The following INSL6 variants were observed in gnomAD, a reference collection of about 807,000 sequenced individuals.
The protein encoded by INSL6 is insulin like 6.
Under a neutral mutation model 9.4 loss-of-function variants are expected in INSL6, and 16 were observed. The observed-to-expected ratio is 1.70, with a 90% CI of 1.15 to 2.59. INSL6 has a LOEUF of 2.59. INSL6 is among the 30% of genes most tolerant of loss of function. INSL6 has a pLI of 0.00. For missense variants in INSL6, 391 were observed against 257.3 expected (o/e 1.52, Z -3.56); for synonymous variants, 154 against 96.9 (o/e 1.59, Z -3.46).
the INSL6 span, chr9:5,111,265 GC>G: frequency 2.0e-6 from 1 of 499,538 alleles, no homozygotes; most frequent in Non-Finnish European, 3.9e-6. Flanking sequence ...GGCGTGCGCA[GC>G]CTGACTCAGG....
At chr9:5,004,980 G>T in the INSL6 span, among the ~76,000 whole-genome samples, 1 of 145,552 alleles carries the variant, frequency 6.9e-6, no homozygotes, top group African/African-American at 2.6e-5. Context: ...GCAGTGGTGT[G>T]ATCATAGCTC....
At chr9:5,070,051 T>C in the INSL6 span, 2 of 1,596,996 alleles carry the variant, frequency 1.3e-6, no homozygotes, top group Non-Finnish European at 1.7e-6. Context: ...GATTTGATAT[T>C]TGTAAGTCAT....
downstream of INSL6, among the ~76,000 whole-genome samples, chr9:5,162,125 T>A (rs1824940733): frequency 6.6e-6 from 1 of 152,064 alleles, no homozygotes; most frequent in Admixed American, 6.6e-5. Context: ...TCAGTAGTAC[T>A]GAGCAAGATG....
At chr9:5,161,923 A>T (rs923212169), downstream of INSL6, among the ~76,000 whole-genome samples, 2 of 152,048 alleles carry the variant, frequency 1.3e-5, no homozygotes, top group African/African-American at 4.8e-5. Flanking sequence ...TCTACAAAAA[A>T]AATATAAAAA....
At chr9:5,141,620 C>G (rs1197420754) in intron 2 of INSL6, among the ~76,000 whole-genome samples, 1 of 152,054 alleles carries the variant, frequency 6.6e-6, no homozygotes, top group African/African-American at 2.4e-5. Context: ...GGATATTAGA[C>G]CTTTGTCAGA....
intron 1 of INSL6, among the ~76,000 whole-genome samples, chr9:5,171,868 A>G (rs1825189188): frequency 6.6e-6 from 1 of 152,258 alleles, no homozygotes; most frequent in South Asian, 2.1e-4. Context: ...TTCCATGTTC[A>G]TGGATAGGAA....
the INSL6 span, chr9:5,021,868 A>G: frequency 1.5e-6 from 1 of 657,438 alleles, no homozygotes; most frequent in Non-Finnish European, 2.6e-6. Context: ...TCTGGGCTCA[A>G]GCTATCTGCC....
the INSL6 span, among the ~76,000 whole-genome samples, chr9:5,025,514 G>T: frequency 1.4e-5 from 2 of 144,422 alleles, no homozygotes; most frequent in South Asian, 2.2e-4. Flanking sequence ...TTCTTCTTTT[G>T]TTTAAGTGGA....
chr9:5,045,917 G>A, the INSL6 span, among the ~76,000 whole-genome samples: 1 of 152,092 alleles, frequency 6.6e-6, no homozygotes, highest in Non-Finnish European at 1.5e-5. Flanking sequence ...AAATGGAATC[G>A]CTGGATCATA....
the INSL6 span, among the ~76,000 whole-genome samples, chr9:5,040,167 G>C: frequency 1.3e-5 from 2 of 152,226 alleles, no homozygotes; most frequent in South Asian, 2.1e-4. Flanking sequence ...GATGGTGATT[G>C]ATTTTTGATC....
the INSL6 span, chr9:5,077,670 C>A: frequency 3.8e-6 from 3 of 787,600 alleles, no homozygotes; most frequent in African/African-American, 1.9e-5. Context: ...AAAAATAAAT[C>A]TGTAATTGGA....
At chr9:5,151,443 T>C (rs999314320) in intron 2 of INSL6, among the ~76,000 whole-genome samples, 4 of 152,114 alleles carry the variant, frequency 2.6e-5, no homozygotes, top group Non-Finnish European at 4.4e-5. Context: ...ATAAAAATGT[T>C]TGTGTGGTTT....
At chr9:5,122,963 A>C, downstream of INSL6, 1 of 1,295,286 alleles carries the variant, frequency 7.7e-7, no homozygotes, top group African/African-American at 1.5e-5. Flanking sequence ...GAGTCCACAT[A>C]TCAAGTAACT....
the INSL6 span, among the ~76,000 whole-genome samples, chr9:5,106,256 T>G: frequency 6.6e-6 from 1 of 152,290 alleles, no homozygotes; most frequent in African/African-American, 2.4e-5. Flanking sequence ...CAGACACTTC[T>G]CAAAAGAAGG....
chr9:5,009,998 C>G, the INSL6 span, among the ~76,000 whole-genome samples: 1 of 152,146 alleles, frequency 6.6e-6, no homozygotes, highest in Non-Finnish European at 1.5e-5. Flanking sequence ...GTCTTGAGCT[C>G]CAGGCTCAAA....
chr9:5,064,461 T>C, the INSL6 span, among the ~76,000 whole-genome samples: 43 of 142,640 alleles, frequency 3.0e-4, no homozygotes, highest in African/African-American at 1.1e-3. Context: ...GCCTGGGAGG[T>C]GGAGGTTGCA....
the INSL6 span, among the ~76,000 whole-genome samples, chr9:5,032,410 G>T: frequency 1.3e-5 from 2 of 152,250 alleles, no homozygotes; most frequent in African/African-American, 4.8e-5. Context: ...GGTTCTCCCA[G>T]AATGCAGCTG....
At chr9:5,121,135 A>G (rs1823589893), downstream of INSL6, among the ~76,000 whole-genome samples, 1 of 152,120 alleles carries the variant, frequency 6.6e-6, no homozygotes, top group Non-Finnish European at 1.5e-5. Context: ...GGAAAGTATA[A>G]TTGAAAACAA....
intron 2 of INSL6, among the ~76,000 whole-genome samples, chr9:5,155,529 TAA>T (rs797017082): frequency 1.1e-5 from 1 of 90,966 alleles, no homozygotes. Flanking sequence ...AACTACTAAA[TAA>T]AAAAAAAAAA....
Sources: allele counts gnomAD v4.1 joint callset (sites outside exome capture counted in the v4.1 genomes callset), GRCh38; gene constraint gnomAD v4.1.1; transcripts MANE v1.5; gene names NCBI Gene and HGNC (gene_info 2026-07-23, HGNC 2026-07-21).